Variants in CSMD3 observed in about 807,000 individuals in gnomAD.
The protein encoded by CSMD3 is CUB and sushi domain-containing protein 3.
CSMD3 carries 177 observed loss-of-function variants against 435.2 expected under a neutral mutation model. The observed-to-expected ratio is 0.41, with a 90% CI of 0.36 to 0.46. CSMD3 has a LOEUF of 0.46. Ranked by LOEUF, CSMD3 falls within the 20% of genes least tolerant of loss-of-function variation. CSMD3 has a pLI of 0.34. For synonymous variants in CSMD3, 1,656 were observed against 1,520.5 expected, an observed-to-expected ratio of 1.09 and a Z score of -2.07; for missense variants, 4,265 against 4,504.6, an observed-to-expected ratio of 0.95 and a Z score of 1.52.
intron 15 of CSMD3, among the ~76,000 whole-genome samples, chr8:112,683,841 G>A (rs905946577): frequency 2.0e-5 from 3 of 151,618 alleles, no homozygotes; most frequent in African/African-American, 7.2e-5. Context: ...TATTTTAAAT[G>A]AAACAGTGCA....
At chr8:113,096,959 CAG>C (rs1564310802) in intron 5 of CSMD3, among the ~76,000 whole-genome samples, 1 of 152,036 alleles carries the variant, frequency 6.6e-6, no homozygotes, top group Non-Finnish European at 1.5e-5. Flanking sequence ...ACTCTCTAGA[CAG>C]AGTGTAGGGG....
chr8:113,344,030 T>G (rs570715104), intron 1 of CSMD3, among the ~76,000 whole-genome samples: 4 of 152,304 alleles, frequency 2.6e-5, no homozygotes, highest in Admixed American at 6.5e-5. Context: ...TTTAGGTATA[T>G]AGGTATTTCT....
chr8:112,501,178 G>A (rs1317928658), intron 30 of CSMD3, among the ~76,000 whole-genome samples: 2 of 151,084 alleles, frequency 1.3e-5, no homozygotes, highest in South Asian at 2.1e-4. Flanking sequence ...TCTTCTTGGC[G>A]CCAAATGACA....
intron 4 of CSMD3, among the ~76,000 whole-genome samples, chr8:113,144,220 G>A (rs1265673964): frequency 6.6e-6 from 1 of 151,152 alleles, no homozygotes; most frequent in African/African-American, 2.4e-5. Context: ...CAGCTTCAGA[G>A]ACTGCAGTAA....
chr8:112,443,229 T>A (rs542024232), intron 32 of CSMD3, among the ~76,000 whole-genome samples: 1 of 152,272 alleles, frequency 6.6e-6, no homozygotes, highest in South Asian at 2.1e-4. Flanking sequence ...ACAGGAGACA[T>A]ACAATGAATA....
intron 2 of CSMD3, chr8:113,309,750 C>CA (rs2093852957): frequency 6.6e-6 from 1 of 152,086 alleles, no homozygotes; most frequent in Non-Finnish European, 1.5e-5. Context: ...TCAAAATATC[C>CA]AAAAAATAAG....
intron 1 of CSMD3, among the ~76,000 whole-genome samples, chr8:113,398,783 C>T (rs1397426545): frequency 4.6e-5 from 7 of 151,928 alleles, no homozygotes; most frequent in Admixed American, 1.3e-4. Context: ...CACTATTTTC[C>T]AGCCATGATT....
intron 13 of CSMD3, among the ~76,000 whole-genome samples, chr8:112,796,798 A>T (rs2078840314): frequency 6.6e-6 from 1 of 152,028 alleles, no homozygotes; most frequent in Non-Finnish European, 1.5e-5. Flanking sequence ...AACAAAAAAA[A>T]TCTCCTGTGA....
At chr8:112,343,001 TTATATA>T (rs34740069) in intron 41 of CSMD3, among the ~76,000 whole-genome samples, 3 of 109,678 alleles carry the variant, frequency 2.7e-5, no homozygotes, top group Non-Finnish European at 5.6e-5. Flanking sequence ...ATATATATAT[TTATATA>T]TATATATATT....
chr8:112,701,649 T>G (rs73344632), intron 13 of CSMD3, among the ~76,000 whole-genome samples: 3 of 152,162 alleles, frequency 2.0e-5, no homozygotes, highest in Non-Finnish European at 2.9e-5. Flanking sequence ...GTTCCACCCC[T>G]GCACACTCTG....
Position 112,223,970 on chromosome 8 carries a change from T to A in CSMD3, c.*801A>T, listed in dbSNP as rs968109188. On this transcript the variant is annotated 3_prime_UTR_variant, in exon 71 of 71. Coordinates refer to ENST00000297405, the MANE Select transcript of CSMD3 (RefSeq NM_198123.2). The stretch of plus-strand genomic sequence containing the variant: ...GTGAGGAAACATACTGAAGCTACTA[T>A]CACATTTGGGATTAAAAAATAATAA... 1 of 152,074 alleles carries A rather than the reference T, an allele frequency of 6.6e-6. No homozygotes were observed. Among genetic ancestry groups the A allele is most frequent in the Non-Finnish European group, 1.5e-5 (1 of 68,006 alleles). The allele number at this position is 152,074 out of a possible 1,614,324, so 9.4% of individuals were successfully genotyped here. A position where few individuals can be genotyped will look rare whatever the true frequency, so the allele number is the denominator to read the frequency against.
intron 27 of CSMD3, among the ~76,000 whole-genome samples, chr8:112,526,847 A>G (rs1283632457): frequency 1.3e-5 from 2 of 151,948 alleles, no homozygotes; most frequent in Non-Finnish European, 2.9e-5. Flanking sequence ...GAAATACACT[A>G]TTAGAGGGTT....
intron 13 of CSMD3, among the ~76,000 whole-genome samples, chr8:112,696,772 A>C (rs1237026493): frequency 1.3e-5 from 2 of 151,752 alleles, no homozygotes; most frequent in Non-Finnish European, 1.5e-5. Flanking sequence ...AGAAACTACC[A>C]TCAGAGTGAA....
At chr8:113,398,376 A>G (rs560740573) in intron 1 of CSMD3, among the ~76,000 whole-genome samples, 7 of 152,284 alleles carry the variant, frequency 4.6e-5, no homozygotes, top group East Asian at 3.9e-4. Context: ...TCACTGTCCT[A>G]TGTATCATTA....
At chr8:113,156,517 T>A (rs915156351) in intron 4 of CSMD3, among the ~76,000 whole-genome samples, 12 of 151,918 alleles carry the variant, frequency 7.9e-5, no homozygotes, top group Admixed American at 2.6e-4. Flanking sequence ...AATATATTGT[T>A]AGAAGTTCTT....
intron 3 of CSMD3, among the ~76,000 whole-genome samples, chr8:113,199,739 C>T (rs1310854609): frequency 6.6e-6 from 1 of 151,482 alleles, no homozygotes; most frequent in Non-Finnish European, 1.5e-5. Flanking sequence ...GATTTTTTCC[C>T]ATTACACTAT....
chr8:113,055,057 T>A (rs1039902595), intron 5 of CSMD3, among the ~76,000 whole-genome samples: 3 of 152,214 alleles, frequency 2.0e-5, no homozygotes, highest in African/African-American at 7.2e-5. Context: ...CATAATCTTA[T>A]TCACTACATA....
intron 45 of CSMD3, 60 bp downstream of exon 45, chr8:112,335,269 T>TG: frequency 1.3e-6 from 2 of 1,524,126 alleles, no homozygotes; most frequent in Non-Finnish European, 9.1e-7. Flanking sequence ...TTACATTCAC[T>TG]TTTTTCCAGG....
At chr8:113,203,256 A>G (rs554696748) in intron 3 of CSMD3, among the ~76,000 whole-genome samples, 1 of 152,202 alleles carries the variant, frequency 6.6e-6, no homozygotes, top group African/African-American at 2.4e-5. Context: ...ATATTTGTCA[A>G]TTTTTTAAAT....
Sources: allele counts gnomAD v4.1 joint callset (sites outside exome capture counted in the v4.1 genomes callset), GRCh38; gene constraint gnomAD v4.1.1; transcripts MANE v1.5; gene names NCBI Gene and HGNC (gene_info 2026-07-23, HGNC 2026-07-21).